RILPL2: variants seen among roughly 807,000 people sequenced by gnomAD.
RILPL2 encodes Rab interacting lysosomal protein like 2.
Under a neutral mutation model 22.2 loss-of-function variants are expected in RILPL2, and 19 were observed. That is an observed-to-expected ratio of 0.86 (90% CI 0.60 to 1.25). The LOEUF is 1.25. Ranked by LOEUF, RILPL2 falls within the 50% of genes most tolerant of loss-of-function variation. The probability of loss-of-function intolerance (pLI) is 0.00; values close to 1 mark genes in which losing one functional copy is unlikely to be tolerated. For missense variants in RILPL2, 243 were observed against 263.6 expected, an observed-to-expected ratio of 0.92 and a Z score of 0.54; for synonymous variants, 123 against 111.6, an observed-to-expected ratio of 1.10 and a Z score of -0.64.
At chr12:123,409,937 G>A in the RILPL2 span, among the ~76,000 whole-genome samples, 1 of 151,856 alleles carries the variant, frequency 6.6e-6, no homozygotes, top group Non-Finnish European at 1.5e-5. Flanking sequence ...TGTTGACCAG[G>A]CTGGTTTCGA....
At chr12:123,434,562 T>C (rs965644135) in intron 1 of RILPL2, among the ~76,000 whole-genome samples, 1 of 151,942 alleles carries the variant, frequency 6.6e-6, no homozygotes, top group African/African-American at 2.4e-5. Context: ...TAGCTGGGAT[T>C]ACAGGCACCC....
chr12:123,435,280 C>T (rs1204115050), intron 1 of RILPL2, among the ~76,000 whole-genome samples: 2 of 152,134 alleles, frequency 1.3e-5, no homozygotes, highest in African/African-American at 4.8e-5. Flanking sequence ...TGTATCAGCA[C>T]CCCGTTCTTT....
At chr12:123,418,083 C>T (rs778996782) in intron 3 of RILPL2, among the ~76,000 whole-genome samples, 3 of 151,996 alleles carry the variant, frequency 2.0e-5, no homozygotes, top group Admixed American at 1.3e-4. Context: ...GGCACATACC[C>T]GGCTAATTTT....
intron 1 of RILPL2, 147 bp downstream of exon 1, chr12:123,435,935 C>G: frequency 8.1e-7 from 1 of 1,233,142 alleles, no homozygotes; most frequent in South Asian, 1.6e-5. Context: ...TGAGACCAGC[C>G]TGGGCAACAC....
chr12:123,425,688 C>T (rs1251726546), intron 2 of RILPL2, among the ~76,000 whole-genome samples: 20 of 144,788 alleles, frequency 1.4e-4, no homozygotes, highest in Admixed American at 9.8e-4. Flanking sequence ...GTCTTGCTGT[C>T]GCCCAGGCTG....
chr12:123,429,557 G>C (rs1177125152), intron 2 of RILPL2, among the ~76,000 whole-genome samples: 1 of 151,788 alleles, frequency 6.6e-6, no homozygotes, highest in African/African-American at 2.4e-5. Flanking sequence ...GGCCTCCCAA[G>C]GTGCTGGGAT....
intron 2 of RILPL2, among the ~76,000 whole-genome samples, chr12:123,425,798 C>T (rs1050320044): frequency 1.3e-5 from 2 of 151,492 alleles, no homozygotes; most frequent in Admixed American, 6.6e-5. Flanking sequence ...TACAGGTGCA[C>T]GCCACCATGC....
At chr12:123,413,294 AAG>A (rs1292132565), downstream of RILPL2, 3 of 173,990 alleles carry the variant, frequency 1.7e-5, no homozygotes, top group Non-Finnish European at 3.6e-5. Flanking sequence ...TTCAAGAATG[AAG>A]CCGCGGACCC....
rs1879812040 is a variant in RILPL2, at chr12:123,436,568, C to T, written c.-148G>A. 1.5e-6 allele frequency: 2 copies of T among 1,299,396 alleles called. No individual in the cohort carries two copies. Among genetic ancestry groups the T allele is most frequent in the African/African-American group, 1.5e-5 (1 of 66,920 alleles). 80.5% of individuals were successfully genotyped at this position (1,299,396 alleles called of 1,614,324 possible). On this transcript the variant is annotated 5_prime_UTR_variant, in exon 1 of 4. Coordinates refer to ENST00000280571, the MANE Select transcript of RILPL2 (RefSeq NM_145058.3). This position sits in a 1 kb window ranked among gnomAD's most constrained non-coding sequence, Gnocchi z 6.7. ...CGGGGGTGGGCCCGGGGGGATGGTGCAAGGGGCCGCGCACGCGACTCTTGG... is the reference window on the plus strand; with the variant it reads ...CGGGGGTGGGCCCGGGGGGATGGTGTAAGGGGCCGCGCACGCGACTCTTGG...
chr12:123,431,881 ATTTATTTTAT>A (rs971171464), intron 1 of RILPL2, among the ~76,000 whole-genome samples: 2 of 151,636 alleles, frequency 1.3e-5, no homozygotes, highest in African/African-American at 4.8e-5. Context: ...TTTTACTACA[ATTTATTTTAT>A]TTTATTTTAT....
intron 1 of RILPL2, among the ~76,000 whole-genome samples, chr12:123,432,311 G>T (rs1879675596): frequency 6.6e-6 from 1 of 152,148 alleles, no homozygotes; most frequent in Admixed American, 6.6e-5. Context: ...TTTGAGACCA[G>T]CCTGGACAAC....
downstream of RILPL2, chr12:123,412,131 AG>A (rs1382578514): frequency 2.0e-5 from 3 of 152,026 alleles, no homozygotes; most frequent in Non-Finnish European, 4.4e-5. Flanking sequence ...CTATCCCCAC[AG>A]GGAGGCAGGG....
At chr12:123,424,948 T>C (rs1050032299) in intron 2 of RILPL2, among the ~76,000 whole-genome samples, 36 of 151,638 alleles carry the variant, frequency 2.4e-4, no homozygotes, top group African/African-American at 8.5e-4. Flanking sequence ...GGCGCTACCT[T>C]GGCTCACTGC....
intron 3 of RILPL2, among the ~76,000 whole-genome samples, chr12:123,416,369 G>A (rs1566089060): frequency 6.6e-6 from 1 of 151,850 alleles, no homozygotes; most frequent in Non-Finnish European, 1.5e-5. Flanking sequence ...CCCGGGTGCG[G>A]TGGCTCATGC....
chr12:123,433,360 A>T (rs1879706911), intron 1 of RILPL2, among the ~76,000 whole-genome samples: 1 of 152,090 alleles, frequency 6.6e-6, no homozygotes, highest in Non-Finnish European at 1.5e-5. Context: ...TGGCCTCCCA[A>T]AGTGTTGGGA....
rs1477101104 is a variant in RILPL2 at position 123,415,556 on chromosome 12, G to A, written c.*335C>T. 39 of 330,340 alleles carry A rather than the reference G, an allele frequency of 1.2e-4. No individual in the cohort carries two copies. Among genetic ancestry groups the A allele is most frequent in the South Asian group, 4.8e-4 (7 of 14,458 alleles). 20.5% of individuals were successfully genotyped at this position (330,340 alleles called of 1,614,324 possible). ...TAACCATTGAAGACCAGGGTCATCCGTGGGAGCAGATGAGTAGGACACGCG... is the reference window on the plus strand; with the variant it reads ...TAACCATTGAAGACCAGGGTCATCCATGGGAGCAGATGAGTAGGACACGCG... On this transcript the variant is annotated 3_prime_UTR_variant, in exon 4 of 4. Coordinates refer to ENST00000280571, the MANE Select transcript of RILPL2 (RefSeq NM_145058.3).
At chr12:123,430,099 CAAAAA>C (rs59871132) in intron 2 of RILPL2, among the ~76,000 whole-genome samples, 7 of 18,774 alleles carry the variant, frequency 3.7e-4, no homozygotes, top group Non-Finnish European at 4.8e-4. Flanking sequence ...GTGAGACCCT[CAAAAA>C]AAAAAAAAAA....
chr12:123,410,426 C>T (rs543763458), downstream of RILPL2, among the ~76,000 whole-genome samples: 1 of 152,164 alleles, frequency 6.6e-6, no homozygotes, highest in Non-Finnish European at 1.5e-5. Context: ...AAGTGTTTGT[C>T]AGCCGTGTGA....
At chr12:123,434,659 C>T (rs1879742642) in intron 1 of RILPL2, among the ~76,000 whole-genome samples, 1 of 151,756 alleles carries the variant, frequency 6.6e-6, no homozygotes, top group South Asian at 2.1e-4. Flanking sequence ...AATTCCTGAC[C>T]TTGTGATCTG....
Sources: allele counts gnomAD v4.1 joint callset (sites outside exome capture counted in the v4.1 genomes callset), GRCh38; gene constraint gnomAD v4.1.1; non-coding constraint Gnocchi (gnomAD v3.1); transcripts MANE v1.5; gene names NCBI Gene and HGNC (gene_info 2026-07-23, HGNC 2026-07-21).